Variants in FRS2 observed in about 807,000 individuals in gnomAD.
The protein encoded by FRS2 is FGFR signalling adaptor.
Under a neutral mutation model 43.9 loss-of-function variants are expected in FRS2, and 8 were observed. That is an observed-to-expected ratio of 0.18 (90% CI 0.11 to 0.33). The LOEUF (loss-of-function observed/expected upper bound fraction) is 0.33, where lower values mean the gene tolerates loss of function less well. FRS2 is among the 10% of genes least tolerant of loss of function. The pLI is 1.00. For synonymous variants in FRS2, 219 were observed against 220.3 expected, an observed-to-expected ratio of 0.99 and a Z score of 0.05; for missense variants, 534 against 627.6, an observed-to-expected ratio of 0.85 and a Z score of 1.59.
chr12:69,542,487 A>AG (rs1376006546), intron 3 of FRS2, among the ~76,000 whole-genome samples: 1 of 152,246 alleles, frequency 6.6e-6, no homozygotes, highest in African/African-American at 2.4e-5. Context: ...AGTATAAAGA[A>AG]GAAAAAAGAC....
At chr12:69,533,307 G>T (rs966293167) in intron 3 of FRS2, among the ~76,000 whole-genome samples, 2 of 151,808 alleles carry the variant, frequency 1.3e-5, no homozygotes, top group African/African-American at 4.8e-5. Flanking sequence ...AAGTATTTCA[G>T]AAGTATTTCC....
At chr12:69,488,078 A>T (rs1364971572) in intron 1 of FRS2, among the ~76,000 whole-genome samples, 1 of 152,242 alleles carries the variant, frequency 6.6e-6, no homozygotes, top group Non-Finnish European at 1.5e-5. Context: ...GATTTTGGGA[A>T]CATTGTTAAA....
chr12:69,500,163 T>C (rs1873310739), intron 1 of FRS2, among the ~76,000 whole-genome samples: 1 of 152,190 alleles, frequency 6.6e-6, no homozygotes, highest in African/African-American at 2.4e-5. Flanking sequence ...TATTAACTTT[T>C]AGATAGATGC....
In FRS2 at chr12:69,517,147, G is replaced by C. The variant is rs530553163; in HGVS notation, c.-260-13718G>C. On this transcript the variant is annotated intron_variant, in intron 1 of 8. Transcript: ENST00000549921. ...ACAGCTGTAGTTACCTTTTCTGTGT[G>C]CAGAATGATGATAGTGCTAAACCAC... Among the ~76,000 whole-genome samples, 4 of 152,320 alleles carry C rather than the reference G, an allele frequency of 2.6e-5. No individual in the cohort carries two copies. In the East Asian group the frequency reaches 7.7e-4, roughly 29 times the overall value.
intron 1 of FRS2, among the ~76,000 whole-genome samples, chr12:69,484,380 G>A (rs535706750): frequency 3.3e-5 from 5 of 152,234 alleles, no homozygotes; most frequent in Admixed American, 6.5e-5. Context: ...CACTGCACCC[G>A]GCCTGGAAAA....
Position 69,574,665 on chromosome 12 carries a change from C to T in FRS2, c.1237C>T (p.Arg413Trp), listed in dbSNP as rs112443855. ...TCACAAAATAGAATATTCAAGGCGT[C>T]GGGACTGTACACCAACAGTCTTTAA... Reference protein sequence around the residue: ...SAHKIEYSRRRDCTPTVFNFD... With the variant: ...SAHKIEYSRRWDCTPTVFNFD... The change falls in exon 9 of 9, where the codon CGG becomes TGG. Residue 413 changes from arginine (R) to tryptophan (W), a missense_variant. This residue lies in a region of FRS2 where 446 missense variants were observed against 494.2 expected (regional missense o/e 0.90). Transcript: ENST00000549921. 5.6e-6 allele frequency: 9 copies of T among 1,613,968 alleles called. No individual in the cohort carries two copies. Among genetic ancestry groups the T allele is most frequent in the African/African-American group, 2.7e-5 (2 of 74,898 alleles).
chr12:69,515,171 CTACTTAATTAAACT>C (rs1242104700), intron 1 of FRS2, among the ~76,000 whole-genome samples: 1 of 152,222 alleles, frequency 6.6e-6, no homozygotes, highest in Non-Finnish European at 1.5e-5. Context: ...CCAGTGCTAA[CTACTTAATTAAACT>C]GACTTTTAAT....
chr12:69,503,985 G>C (rs1873698586), intron 1 of FRS2, among the ~76,000 whole-genome samples: 1 of 152,094 alleles, frequency 6.6e-6, no homozygotes, highest in African/African-American at 2.4e-5. Flanking sequence ...GGGTGTATCA[G>C]TTGAGGTCAG....
Position 69,498,763 on chromosome 12 carries a change from C to G in FRS2, c.-261+28233C>G, listed in dbSNP as rs142049620. Reference sequence around the variant, plus strand: ...AAGTGGAGGATTGGCAGAGGTTATTCAGGGCGTGGGAAACACTGTGAGCCA... The same window carrying G: ...AAGTGGAGGATTGGCAGAGGTTATTGAGGGCGTGGGAAACACTGTGAGCCA... On this transcript the variant is annotated intron_variant, in intron 1 of 8. Transcript: ENST00000549921. 7.1e-3 allele frequency among the ~76,000 whole-genome samples: 1,078 copies of G among 152,126 alleles called. 14 individuals carry two copies. Among genetic ancestry groups the G allele is most frequent in the African/African-American group, 0.024 (1,015 of 41,504 alleles).
chr12:69,535,982 G>A (rs1877233658), intron 3 of FRS2, among the ~76,000 whole-genome samples: 2 of 150,890 alleles, frequency 1.3e-5, no homozygotes, highest in African/African-American at 2.4e-5. Flanking sequence ...CATTATGAAA[G>A]GGCCCTCTAT....
intron 3 of FRS2, among the ~76,000 whole-genome samples, chr12:69,554,235 T>C (rs1405224690): frequency 1.3e-5 from 2 of 152,198 alleles, no homozygotes; most frequent in Non-Finnish European, 2.9e-5. Context: ...ATTCATTGAT[T>C]ATAAAAGCTA....
At chr12:69,554,245 A>G (rs75661564) in intron 3 of FRS2, among the ~76,000 whole-genome samples, 3,641 of 152,284 alleles carry the variant, frequency 0.024, 108 homozygotes, top group African/African-American at 0.067. Flanking sequence ...TATAAAAGCT[A>G]TTCAAACACT....
At chr12:69,495,773 A>C (rs1270884412) in intron 1 of FRS2, among the ~76,000 whole-genome samples, 5 of 152,084 alleles carry the variant, frequency 3.3e-5, no homozygotes, top group African/African-American at 1.2e-4. Context: ...GTGGTGGTGC[A>C]CACCTGTAGT....
chr12:69,510,372 G>A (rs1874345142), intron 1 of FRS2, among the ~76,000 whole-genome samples: 1 of 152,022 alleles, frequency 6.6e-6, no homozygotes, highest in South Asian at 2.1e-4. Flanking sequence ...ATCTGTCTCT[G>A]TACGCTAGAT....
rs561874247 is a variant in FRS2, at chr12:69,557,624, G to A, written c.-121-4556G>A. 5.0e-5 allele frequency among the ~76,000 whole-genome samples: 7 copies of A among 140,892 alleles called. No homozygotes were observed. The South Asian group carries it at 1.2e-3, about 25-fold the overall frequency. The allele number at this position is 140,892 out of a possible 152,430, so 92.4% of individuals were successfully genotyped here. A position where few individuals can be genotyped will look rare whatever the true frequency, so the allele number is the denominator to read the frequency against. On this transcript the variant is annotated intron_variant, in intron 3 of 8. Coordinates refer to ENST00000549921, the MANE Select transcript of FRS2 (RefSeq NM_001278356.2). ...TGTGTGTGTGTGTGTGTGTGTGCGCGCGCGCGCGCGCGCAGGTGCATGCAC... is the reference window on the plus strand; with the variant it reads ...TGTGTGTGTGTGTGTGTGTGTGCGCACGCGCGCGCGCGCAGGTGCATGCAC...
intron 1 of FRS2, among the ~76,000 whole-genome samples, chr12:69,500,517 A>G (rs1565728704): frequency 6.6e-6 from 1 of 152,228 alleles, no homozygotes; most frequent in African/African-American, 2.4e-5. Context: ...ACAATGATGA[A>G]GAAAATGCAT....
chr12:69,474,339 C>T (rs1442029776), intron 1 of FRS2, among the ~76,000 whole-genome samples: 2 of 151,872 alleles, frequency 1.3e-5, no homozygotes, highest in Admixed American at 1.3e-4. Flanking sequence ...ATATATTAAA[C>T]ATGGGTTTAG....
intron 3 of FRS2, among the ~76,000 whole-genome samples, chr12:69,545,772 A>AAC (rs1555190610): frequency 4.1e-5 from 6 of 146,952 alleles, no homozygotes; most frequent in African/African-American, 1.5e-4. Flanking sequence ...AAAAAAAAAA[A>AAC]AAAAAACAAA....
chr12:69,500,345 C>T (rs1360797738), intron 1 of FRS2, among the ~76,000 whole-genome samples: 1 of 152,160 alleles, frequency 6.6e-6, no homozygotes, highest in Admixed American at 6.5e-5. Flanking sequence ...CTAAAGTGGG[C>T]ATACATCCCA....
Sources: allele counts gnomAD v4.1 joint callset (sites outside exome capture counted in the v4.1 genomes callset), GRCh38; gene constraint gnomAD v4.1.1; regional missense constraint gnomAD v4.1.1; transcripts MANE v1.5; gene names NCBI Gene and HGNC (gene_info 2026-07-23, HGNC 2026-07-21).